NUP188: variants seen among roughly 807,000 people sequenced by gnomAD.
The protein encoded by NUP188 is nucleoporin NUP188.
A neutral mutation model predicts 223.0 loss-of-function variants in NUP188; 97 were observed. The ratio of observed to expected loss-of-function variants is 0.43; its 90% CI spans 0.37 to 0.51. The LOEUF (loss-of-function observed/expected upper bound fraction) is 0.51. Among genes scored for constraint, NUP188 ranks in the 20% least tolerant of loss-of-function variants. The probability of loss-of-function intolerance (pLI) is 0.00; values close to 1 mark genes in which losing one functional copy is unlikely to be tolerated. For synonymous variants in NUP188, 869 were observed against 828.0 expected, an observed-to-expected ratio of 1.05 and a Z score of -0.85; for missense variants, 1,947 against 2,175.6, an observed-to-expected ratio of 0.89 and a Z score of 2.09.
chr9:128,959,527 C>CTTTTTTTTTTTTTTTTTTT (rs1303364478), intron 8 of NUP188, among the ~76,000 whole-genome samples: 2 of 123,898 alleles, frequency 1.6e-5, no homozygotes, highest in African/African-American at 6.4e-5. Flanking sequence ...TACAGATTAT[C>CTTTTTTTTTTTTTTTTTTT]TTTTTTTTTT....
At chr9:128,997,381 A>G (rs987967174) in intron 30 of NUP188, among the ~76,000 whole-genome samples, 1 of 152,212 alleles carries the variant, frequency 6.6e-6, no homozygotes, top group Non-Finnish European at 1.5e-5. Context: ...GAAGCCTTTC[A>G]AGGATTCTAA....
chr9:128,981,589 G>A (rs540953134), intron 15 of NUP188, among the ~76,000 whole-genome samples, 199 bp downstream of exon 15: 3 of 152,174 alleles, frequency 2.0e-5, no homozygotes, highest in African/African-American at 4.8e-5. Context: ...GTTACACTCT[G>A]AGGCTCACAT....
At position 128,979,338 on chromosome 9, in the gene NUP188, C is replaced by A; in HGVS notation, c.1269+11C>A. 1.3e-6 allele frequency: 2 copies of A among 1,596,118 alleles called. No individual in the cohort carries two copies. The highest frequency in any genetic ancestry group is 2.2e-5 in the South Asian group (2 of 90,334). On this transcript the variant is annotated intron_variant, in intron 13 of 43. Coordinates refer to ENST00000372577, the MANE Select transcript of NUP188 (RefSeq NM_015354.3). Reference sequence around the variant, plus strand: ...CTGTTCTGGGGAACAGTAAGTATGTCAGAGAGAGTCACTGCATAGCAAAAG... The same window carrying A: ...CTGTTCTGGGGAACAGTAAGTATGTAAGAGAGAGTCACTGCATAGCAAAAG...
rs1274330842 is a variant in NUP188, at chr9:128,980,653, G to A, written c.1317G>A (p.Met439Ile). 4 of 1,614,108 alleles carry A rather than the reference G, an allele frequency of 2.5e-6. No homozygotes were observed. The highest frequency in any genetic ancestry group is 3.4e-6 in the Non-Finnish European group (4 of 1,179,990). The part of the protein sequence containing the change: ...LGIILDSVCG[M>I]FPHLLSPLLQ... ...TCATTCTGGACAGTGTGTGTGGAAT[G>A]TTTCCCCACCTTCTCTCCCCACTCC... is the stretch of plus-strand genomic sequence containing the variant. Residue 439 changes from methionine to isoleucine, a missense_variant, in exon 14 of 44, where the codon ATG (methionine) becomes ATA (isoleucine). Coordinates refer to ENST00000372577, the MANE Select transcript of NUP188 (RefSeq NM_015354.3).
chr9:128,962,672 T>C (rs1588272388), intron 8 of NUP188, among the ~76,000 whole-genome samples: 1 of 152,176 alleles, frequency 6.6e-6, no homozygotes, highest in East Asian at 1.9e-4. Flanking sequence ...AAAAAATTCA[T>C]ATGCAAAATA....
At chr9:128,947,858 A>G in intron 1 of NUP188, 107 bp downstream of exon 1, 2 of 1,117,872 alleles carry the variant, frequency 1.8e-6, no homozygotes, top group South Asian at 2.7e-5. Flanking sequence ...TGGCAGGGCC[A>G]ACCCCGGCTG....
At chr9:129,002,681 GGTGGCCAGA>G (rs1159013536) in intron 36 of NUP188, 127 bp from the exon 37 acceptor site, 2 of 876,554 alleles carry the variant, frequency 2.3e-6, no homozygotes, top group Non-Finnish European at 3.4e-6. Context: ...TTCTGGCCCT[GGTGGCCAGA>G]CAGTGGCTGT....
rs756646558 is a variant in NUP188 at position 128,985,004 on chromosome 9, C to A, written c.2066C>A (p.Thr689Asn). 1 of 1,610,364 alleles carries A rather than the reference C, an allele frequency of 6.2e-7. No individual in the cohort carries two copies. Among genetic ancestry groups the A allele is most frequent in the Non-Finnish European group, 8.5e-7 (1 of 1,176,988 alleles). The change falls in exon 20 of 44, where the codon ACC becomes AAC. Residue 689 changes from threonine to asparagine, a missense_variant. Around this residue, in one of 3 missense-constraint regions of NUP188, gnomAD observed 817 missense variants for 865.8 expected, o/e 0.94. Coordinates refer to ENST00000372577, the MANE Select transcript of NUP188 (RefSeq NM_015354.3). ...VTIAFLRLIT[T>N]LVKGQLGSTQ... The stretch of plus-strand genomic sequence containing the variant: ...ATTGCCTTTCTGCGCTTGATCACCA[C>A]CCTTGTCAAGGTACAGTCTGATTTT...
intron 38 of NUP188, chr9:129,003,811 A>G: frequency 3.1e-6 from 1 of 322,596 alleles, no homozygotes. Flanking sequence ...TGTCTCTACT[A>G]AAAATACAAA....
At position 128,970,922 on chromosome 9, in the gene NUP188, C is replaced by G. The variant is rs1220987888; in HGVS notation, c.1077C>G (p.Thr359=). Residue 359 remains threonine, a synonymous_variant, in exon 11 of 44, where the codon ACC becomes ACG. Transcript: ENST00000372577. ...AGCTGAATGTGTTTCAGTACTTGAC[C>G]CGATTGCTCCAGTCCCTTGCCAGTG... is the stretch of plus-strand genomic sequence containing the variant. ...AIQLNVFQYL[T]RLLQSLASGG... The G allele has an allele frequency of 6.2e-7, 1 of 1,613,960 alleles. No homozygotes were observed. Among genetic ancestry groups the G allele is most frequent in the South Asian group, 1.1e-5 (1 of 91,058 alleles).
rs1057106083 is a variant in NUP188 at position 129,006,955 on chromosome 9, A to T, written c.*277A>T. ...TTCCTTCCTTTCCAGCATTCCCCAC[A>T]GCACTGCCGGCCAGGGGAGAGGCGG... On this transcript the variant is annotated 3_prime_UTR_variant, in exon 44 of 44. Transcript: ENST00000372577. 1 of 356,692 alleles carries T rather than the reference A, an allele frequency of 2.8e-6. No individual in the cohort carries two copies. The highest frequency in any genetic ancestry group is 7.0e-5 in the South Asian group (1 of 14,302). 22.1% of individuals were successfully genotyped at this position (356,692 alleles called of 1,614,324 possible). A position where few individuals can be genotyped will look rare whatever the true frequency, so the allele number is the denominator to read the frequency against.
chr9:129,000,322 A>G (rs1478062009), intron 34 of NUP188, among the ~76,000 whole-genome samples: 1 of 152,064 alleles, frequency 6.6e-6, no homozygotes, highest in Non-Finnish European at 1.5e-5. Context: ...GAGTCTTGAA[A>G]TTAGCACATT....
intron 3 of NUP188, among the ~76,000 whole-genome samples, chr9:128,953,542 T>C (rs1434230454): frequency 6.6e-6 from 1 of 152,210 alleles, no homozygotes; most frequent in African/African-American, 2.4e-5. Context: ...AGGTTAACGA[T>C]GAACTTTTCC....
In NUP188 at chr9:128,982,617, C is replaced by T. The variant is rs761727168; in HGVS notation, c.1585C>T (p.Leu529=). 6.2e-7 allele frequency: 1 copy of T among 1,614,124 alleles called. No individual in the cohort carries two copies. Among genetic ancestry groups the T allele is most frequent in the African/African-American group, 1.3e-5 (1 of 75,030 alleles). The change falls in exon 16 of 44, where the codon CTG becomes TTG. Residue 529 remains leucine (L), a synonymous_variant. Transcript: ENST00000372577. The part of the protein sequence containing the change: ...GQVMLDDRAY[L]VRWEYSYSSW... ...AGTAATGTTGGATGATAGGGCATAC[C>T]TGGTACGCTGGGAATACTCCTATAG...
At chr9:128,981,478 T>C in intron 15 of NUP188, 88 bp downstream of exon 15, 1 of 1,328,860 alleles carries the variant, frequency 7.5e-7, no homozygotes, top group Non-Finnish European at 1.0e-6. Flanking sequence ...AGTGGCAAGA[T>C]CATAGCTCAC....
At chr9:128,991,748 C>CAGGAGAATTGCTTGAACCCGGGAGGTGG (rs1842435671) in intron 25 of NUP188, among the ~76,000 whole-genome samples, 1 of 147,010 alleles carries the variant, frequency 6.8e-6, no homozygotes, top group Non-Finnish European at 1.5e-5. Context: ...TAGGCTGAGG[C>CAGGAGAATTGCTTGAACCCGGGAGGTGG]AGGAGAATTG....
At chr9:128,997,355 G>A (rs1013913069) in intron 30 of NUP188, among the ~76,000 whole-genome samples, 76 of 152,170 alleles carry the variant, frequency 5.0e-4, no homozygotes, top group African/African-American at 1.7e-3. Context: ...CTTGGTTTGC[G>A]TTTCCCGGGC....
chr9:128,961,780 C>T (rs1841958739), intron 8 of NUP188, among the ~76,000 whole-genome samples: 1 of 151,364 alleles, frequency 6.6e-6, no homozygotes, highest in East Asian at 2.0e-4. Context: ...TGCTACCACG[C>T]CCGGCTAATT....
At chr9:128,952,616 G>A (rs1354748251) in intron 2 of NUP188, among the ~76,000 whole-genome samples, 157 bp from the exon 3 acceptor site, 6 of 150,646 alleles carry the variant, frequency 4.0e-5, no homozygotes, top group South Asian at 2.1e-4. Context: ...CCAGCTACTC[G>A]GGAGGCTGAG....
Sources: allele counts gnomAD v4.1 joint callset (sites outside exome capture counted in the v4.1 genomes callset), GRCh38; gene constraint gnomAD v4.1.1; regional missense constraint gnomAD v4.1.1; transcripts MANE v1.5; gene names NCBI Gene and HGNC (gene_info 2026-07-23, HGNC 2026-07-21).